DNAH1: variants seen among roughly 807,000 people sequenced by gnomAD.
The protein encoded by DNAH1 is axonemal beta dynein heavy chain 1.
A neutral mutation model predicts 484.3 loss-of-function variants in DNAH1; 327 were observed. That is an observed-to-expected ratio of 0.68 (90% confidence interval 0.62 to 0.74). DNAH1 has a LOEUF of 0.74. DNAH1 is among the 30% of genes least tolerant of loss of function. The pLI is 0.00. For synonymous variants in DNAH1, 2,192 were observed against 2,191.9 expected, an observed-to-expected ratio of 1.00 and a Z score of 0.00; for missense variants, 5,052 against 5,546.8, an observed-to-expected ratio of 0.91 and a Z score of 2.83.
Position 52,357,012 on chromosome 3 carries a change from T to C in DNAH1, c.3858+234T>C, listed in dbSNP as rs560979230. Among the ~76,000 whole-genome samples the C allele has an allele frequency of 3.3e-5, 5 of 152,156 alleles. No individual in the cohort carries two copies. In the East Asian group the frequency reaches 5.8e-4, roughly 18 times the overall value. ...GATCCACAGCCCATATTAACGTTTT[T>C]TTTTTGTTTGTCTGTTTTTTTTTTT... On this transcript the variant is annotated intron_variant, in intron 22 of 77. Coordinates refer to ENST00000420323, the MANE Select transcript of DNAH1 (RefSeq NM_015512.5).
At chr3:52,333,800 C>T (rs544317358) in intron 8 of DNAH1, among the ~76,000 whole-genome samples, 1 of 152,192 alleles carries the variant, frequency 6.6e-6, no homozygotes, top group Admixed American at 6.5e-5. Flanking sequence ...GTATTCAATA[C>T]ATTTCAAGAG....
At chr3:52,322,095 GA>G (rs1261927237) in intron 1 of DNAH1, among the ~76,000 whole-genome samples, 1 of 152,168 alleles carries the variant, frequency 6.6e-6, no homozygotes, top group Non-Finnish European at 1.5e-5. Flanking sequence ...AAATGGGGGA[GA>G]GGGGTGGACA....
intron 14 of DNAH1, 150 bp downstream of exon 14, chr3:52,349,570 T>A: frequency 1.3e-6 from 1 of 780,724 alleles, no homozygotes. Context: ...GAAATCACCC[T>A]GCCCCATCCC....
chr3:52,354,221 AG>A (rs1042816086), intron 20 of DNAH1, among the ~76,000 whole-genome samples: 75 of 152,320 alleles, frequency 4.9e-4, no homozygotes, highest in African/African-American at 1.6e-3. Flanking sequence ...AAGGCTCAGA[AG>A]GGTTCAGCAA....
chr3:52,369,913 G>A lies in DNAH1; in HGVS notation c.6032G>A (p.Ser2011Asn). The A allele has an allele frequency of 6.2e-7, 1 of 1,613,990 alleles. No homozygotes were observed. The highest frequency in any genetic ancestry group is 8.5e-7 in the Non-Finnish European group (1 of 1,179,888). The change falls in exon 38 of 78, where the codon AGC becomes AAC. Residue 2011 changes from serine (S) to asparagine (N), a missense_variant. Physicochemically the swap from Ser to Asn is conservative, Grantham distance 46. This residue lies in a region of DNAH1 where 2,929 missense variants were observed against 3,409.4 expected (regional missense o/e 0.86). Coordinates refer to ENST00000420323, the MANE Select transcript of DNAH1 (RefSeq NM_015512.5). The stretch of plus-strand genomic sequence containing the variant: ...TGTGGCATGGTGTACCTGGAGCCCA[G>A]CATCCTGGGGCTCATGCCCTTCATC... ...SRCGMVYLEP[S>N]ILGLMPFIEC...
chr3:52,358,531 C>A lies in DNAH1; in HGVS notation c.4087-27C>A. On this transcript the variant is annotated intron_variant, in intron 24 of 77. Coordinates refer to ENST00000420323, the MANE Select transcript of DNAH1 (RefSeq NM_015512.5). This position sits in a 1 kb window ranked among gnomAD's most constrained non-coding sequence, Gnocchi z 4.2. ...GGCATCTGGGCACACCAGGGTGACC[C>A]CACTCCTGCTCCTCCACTGCTTGCA... 6.3e-7 allele frequency: 1 copy of A among 1,580,138 alleles called. No homozygotes were observed. Among genetic ancestry groups the A allele is most frequent in the South Asian group, 1.2e-5 (1 of 86,740 alleles).
intron 16 of DNAH1, among the ~76,000 whole-genome samples, chr3:52,350,850 T>C (rs1048885829): frequency 8.5e-5 from 13 of 152,174 alleles, no homozygotes; most frequent in Admixed American, 3.3e-4. Context: ...TGGCACATGT[T>C]TTGCTTGTTG....
chr3:52,346,329 AGTAAGTTG>A (rs1242903228), intron 10 of DNAH1, 135 bp from the exon 11 acceptor site: 57 of 861,116 alleles, frequency 6.6e-5, no homozygotes, highest in Non-Finnish European at 9.8e-5. Flanking sequence ...AGGGCTTGGC[AGTAAGTTG>A]GGGTAGGGGA....
intron 6 of DNAH1, among the ~76,000 whole-genome samples, chr3:52,330,355 GAACAGAATGGGGT>G (rs1701498214): frequency 6.6e-6 from 1 of 152,178 alleles, no homozygotes; most frequent in Non-Finnish European, 1.5e-5. Context: ...GCACTGTGAG[GAACAGAATGGGGT>G]AACAAGTCAG....
Position 52,372,898 on chromosome 3 carries a change from G to A in DNAH1, c.6830G>A (p.Arg2277Gln), listed in dbSNP as rs926828772. 6.2e-6 allele frequency: 10 copies of A among 1,611,950 alleles called. No homozygotes were observed. Among genetic ancestry groups the A allele is most frequent in the East Asian group, 4.5e-5 (2 of 44,708 alleles). ...GCTCACACAGCCCCTCCCCTCAGGC[G>A]GAAGGGTGTGTTTGGACCACCTCTG... ...DFIDSKLDKR[R>Q]KGVFGPPLGR... is the part of the protein sequence containing the mutation. The change falls in exon 44 of 78, where the codon CGG (arginine) becomes CAG (glutamine). Residue 2277 changes from arginine to glutamine, a missense_variant and splice_region_variant. Transcript: ENST00000420323.
chr3:52,374,316 C>T, intron 44 of DNAH1: 1 of 1,536,188 alleles, frequency 6.5e-7, no homozygotes, highest in Non-Finnish European at 9.0e-7. Flanking sequence ...GTGTTACTAC[C>T]TTTGCACAAA....
intron 22 of DNAH1, 101 bp from the exon 23 acceptor site, chr3:52,357,513 C>T (rs959113713): frequency 2.1e-5 from 31 of 1,453,784 alleles, no homozygotes; most frequent in African/African-American, 2.8e-5. Context: ...TCCCAGGCCC[C>T]GCTGAGGGGC....
chr3:52,347,068 A>G (rs1702172458), intron 11 of DNAH1, among the ~76,000 whole-genome samples: 1 of 151,014 alleles, frequency 6.6e-6, no homozygotes, highest in African/African-American at 2.4e-5. Context: ...CCCTGGTCTC[A>G]TGGGAAAGAC....
intron 8 of DNAH1, among the ~76,000 whole-genome samples, chr3:52,338,901 G>A (rs1468319101): frequency 6.6e-6 from 1 of 151,538 alleles, no homozygotes; most frequent in Non-Finnish European, 1.5e-5. Flanking sequence ...AGATGTGGTG[G>A]CAGGTGCCTG....
Position 52,386,348 on chromosome 3 carries a change from G to C in DNAH1, c.8811+3G>C. ...TCAACAAGAACGATGTGACCGAGGT[G>C]GGCAGCAGGGCATCTCCTGGCATTC... On this transcript the variant is annotated splice_donor_region_variant and intron_variant, in intron 55 of 77. Coordinates refer to ENST00000420323, the MANE Select transcript of DNAH1 (RefSeq NM_015512.5). 1.3e-6 allele frequency: 2 copies of C among 1,558,624 alleles called. No individual in the cohort carries two copies. Among genetic ancestry groups the C allele is most frequent in the Non-Finnish European group, 8.7e-7 (1 of 1,151,334 alleles).
chr3:52,378,561 G>T (rs759366627), intron 46 of DNAH1, 41 bp from the exon 47 acceptor site: 7 of 1,603,442 alleles, frequency 4.4e-6, no homozygotes, highest in Non-Finnish European at 6.0e-6. Context: ...GGCAGAGGGA[G>T]CTCCTGGCAT....
At chr3:52,365,875 C>G (rs960897039) in intron 34 of DNAH1, among the ~76,000 whole-genome samples, 2 of 152,222 alleles carry the variant, frequency 1.3e-5, no homozygotes, top group Non-Finnish European at 2.9e-5. Flanking sequence ...AAGCCTCAAA[C>G]TCTTCTCTCC....
intron 6 of DNAH1, among the ~76,000 whole-genome samples, chr3:52,329,878 G>A (rs1323964098): frequency 6.6e-6 from 1 of 151,172 alleles, no homozygotes; most frequent in Non-Finnish European, 1.5e-5. Flanking sequence ...TTTTTATCTC[G>A]GCTCACTGAA....
At position 52,368,798 on chromosome 3, in the gene DNAH1, CAAG is replaced by C. The variant is rs772871758; in HGVS notation, c.5827_5829del (p.Lys1943del). On this transcript the variant is annotated inframe_deletion, in exon 37 of 78. Transcript: ENST00000420323. The surrounding 1 kb of genome is among the most constrained non-coding windows in gnomAD (Gnocchi z 4.4). ...CGGGGGCCATCACCTCCGACACCAA[CAAG>C]AAGTGGTACATGTTCGATGGGCCGG... is the stretch of plus-strand genomic sequence containing the variant. 1.9e-6 allele frequency: 3 copies of C among 1,614,040 alleles called. No individual in the cohort carries two copies. The South Asian group carries it at 3.3e-5, about 18-fold the overall frequency.
Sources: gnomAD v4.1 joint callset for allele counts (sites outside exome capture counted in the v4.1 genomes callset) on GRCh38, gnomAD v4.1.1 for gene constraint, gnomAD v4.1.1 regional missense constraint, Gnocchi (gnomAD v3.1) non-coding constraint, MANE v1.5 for transcripts, NCBI Gene and HGNC (gene_info 2026-07-23, HGNC 2026-07-21) for gene names.